The following FRAS1 variants were observed in gnomAD, a reference collection of about 807,000 sequenced individuals.
FRAS1 encodes extracellular matrix organizing protein FRAS1.
In FRAS1, 290 loss-of-function variants were observed where a neutral mutation model predicts 435.2. The ratio of observed to expected loss-of-function variants is 0.67; its 90% CI spans 0.61 to 0.73. FRAS1 has a LOEUF of 0.73. Among genes scored for constraint, FRAS1 ranks in the 30% least tolerant of loss-of-function variants. The pLI, the probability that FRAS1 is intolerant of heterozygous loss-of-function variation, is 0.00. For synonymous variants in FRAS1, 1,800 were observed against 1,851.0 expected (o/e 0.97, Z 0.71); for missense variants, 4,860 against 5,001.5 (o/e 0.97, Z 0.85).
intron 9 of FRAS1, among the ~76,000 whole-genome samples, chr4:78,272,903 C>A (rs973280415): frequency 3.3e-5 from 5 of 152,138 alleles, no homozygotes; most frequent in Admixed American, 2.6e-4. Flanking sequence ...TTACCTTGGG[C>A]AGTATGGCCA....
chr4:78,285,368 A>G (rs1727536237), intron 13 of FRAS1, among the ~76,000 whole-genome samples: 1 of 151,818 alleles, frequency 6.6e-6, no homozygotes, highest in African/African-American at 2.4e-5. Context: ...TCAAAAAAAA[A>G]AGAAAAAAAA....
intron 2 of FRAS1, among the ~76,000 whole-genome samples, chr4:78,154,312 A>G (rs1324081799): frequency 6.6e-6 from 1 of 152,092 alleles, no homozygotes; most frequent in African/African-American, 2.4e-5. Context: ...CACACTTTGG[A>G]GGTAATTGTA....
chr4:78,513,424 A>G lies in FRAS1; in HGVS notation c.10046A>G (p.Asp3349Gly). Residue 3349 changes from aspartate (D) to glycine (G), a missense_variant, in exon 65 of 74, where the codon GAT (aspartate) becomes GGT (glycine). Transcript: ENST00000512123. ...IHISVQIPHQ[D>G]GMLPLISTMP... ...ATTTCGGTGCAGATCCCACACCAGG[A>G]TGGAATGCTGCCCCTTATCTCCACC... The G allele has an allele frequency of 2.5e-6, 4 of 1,613,944 alleles. No individual in the cohort carries two copies. Among genetic ancestry groups the G allele is most frequent in the Non-Finnish European group, 3.4e-6 (4 of 1,179,848 alleles).
intron 2 of FRAS1, among the ~76,000 whole-genome samples, chr4:78,230,364 C>G (rs1354394719): frequency 2.6e-5 from 4 of 152,206 alleles, no homozygotes; most frequent in Non-Finnish European, 4.4e-5. Flanking sequence ...AATACAAAGT[C>G]TCACATCTTT....
chr4:78,254,516 A>G (rs953886219), intron 5 of FRAS1, among the ~76,000 whole-genome samples: 1 of 152,100 alleles, frequency 6.6e-6, no homozygotes, highest in African/African-American at 2.4e-5. Flanking sequence ...TAAAAAACCA[A>G]CCCTACAAGT....
intron 2 of FRAS1, among the ~76,000 whole-genome samples, chr4:78,190,378 G>T (rs1036389060): frequency 6.6e-6 from 1 of 151,596 alleles, no homozygotes; most frequent in Non-Finnish European, 1.5e-5. Flanking sequence ...CCTCAGAGAG[G>T]CCTTCCCTGT....
At chr4:78,273,733 T>C (rs1330033067) in intron 9 of FRAS1, among the ~76,000 whole-genome samples, 1 of 152,214 alleles carries the variant, frequency 6.6e-6, no homozygotes, top group Non-Finnish European at 1.5e-5. Context: ...TTATTGAGGA[T>C]TTTTTCATTG....
intron 1 of FRAS1, among the ~76,000 whole-genome samples, chr4:78,062,567 C>T (rs1462850418): frequency 6.6e-6 from 1 of 152,084 alleles, no homozygotes; most frequent in African/African-American, 2.4e-5. Context: ...TTGGATTTAA[C>T]TTCTCTAATT....
At chr4:78,466,890 G>A (rs1347156683) in intron 50 of FRAS1, among the ~76,000 whole-genome samples, 1 of 152,096 alleles carries the variant, frequency 6.6e-6, no homozygotes, top group African/African-American at 2.4e-5. Flanking sequence ...GTGGATAAGA[G>A]TGTGGTTTTT....
intron 30 of FRAS1, among the ~76,000 whole-genome samples, chr4:78,405,684 G>A (rs1480650425): frequency 6.6e-6 from 1 of 152,086 alleles, no homozygotes; most frequent in East Asian, 1.9e-4. Context: ...ATTAAGATTC[G>A]AGTATTCTCC....
intron 2 of FRAS1, among the ~76,000 whole-genome samples, chr4:78,113,971 G>T (rs1038305671): frequency 1.9e-4 from 29 of 151,988 alleles, no homozygotes; most frequent in Admixed American, 9.2e-4. Context: ...GGTCTAACAT[G>T]TAAGTCTTTA....
At chr4:78,342,992 T>C (rs2110273418) in intron 20 of FRAS1, among the ~76,000 whole-genome samples, 1 of 152,140 alleles carries the variant, frequency 6.6e-6, no homozygotes, top group Non-Finnish European at 1.5e-5. Context: ...TAAAGAAATA[T>C]ACTTTGAGTA....
intron 51 of FRAS1, among the ~76,000 whole-genome samples, chr4:78,471,131 T>A (rs1350367911): frequency 6.6e-6 from 1 of 152,154 alleles, no homozygotes; most frequent in Non-Finnish European, 1.5e-5. Context: ...TTTCTCTTTC[T>A]CCTAATTTCG....
At chr4:78,159,463 G>A (rs1395237716) in intron 2 of FRAS1, among the ~76,000 whole-genome samples, 2 of 152,192 alleles carry the variant, frequency 1.3e-5, no homozygotes, top group Admixed American at 6.5e-5. Context: ...TGGAACAATT[G>A]TAGGGGATGC....
rs191789598 is a variant in FRAS1 at position 78,528,727 on chromosome 4, C to T, written c.10925+2070C>T. Among the ~76,000 whole-genome samples, 113 of 152,202 alleles carry T rather than the reference C, an allele frequency of 7.4e-4. 1 individual carries two copies. Among genetic ancestry groups the T allele is most frequent in the Admixed American group, 2.9e-3 (45 of 15,288 alleles). ...TAAAGCTTCTATGAACCTACATGTA[C>T]GAGCTTTATATAAACATGTGTTTTC... On this transcript the variant is annotated intron_variant, in intron 70 of 73. Transcript: ENST00000512123.
rs1472459021 is a variant in FRAS1, at chr4:78,421,890, A to G, written c.4568A>G (p.His1523Arg). ...QGIIEHRDHPHSPIRYFTQED... is the reference protein window; with the variant it reads ...QGIIEHRDHPRSPIRYFTQED... ...ATCATCGAGCACCGGGACCACCCTC[A>G]CTCTCCTATCCGGTATTTCACGCAA... is the stretch of plus-strand genomic sequence containing the variant. The change falls in exon 34 of 74, where the codon CAC (histidine) becomes CGC (arginine). Residue 1523 changes from histidine to arginine, a missense_variant. Physicochemically the swap from His to Arg is conservative, Grantham distance 29. Coordinates refer to ENST00000512123, the MANE Select transcript of FRAS1 (RefSeq NM_025074.7). 1.2e-6 allele frequency: 2 copies of G among 1,612,900 alleles called. No homozygotes were observed. The highest frequency in any genetic ancestry group is 1.7e-6 in the Non-Finnish European group (2 of 1,179,556).
intron 2 of FRAS1, among the ~76,000 whole-genome samples, chr4:78,236,671 G>A (rs1239884327): frequency 6.6e-6 from 1 of 152,142 alleles, no homozygotes; most frequent in African/African-American, 2.4e-5. Context: ...GAGATAGTTG[G>A]TTTCAAAGTT....
intron 41 of FRAS1, among the ~76,000 whole-genome samples, chr4:78,442,173 TG>T (rs1734685996): frequency 1.3e-5 from 2 of 152,278 alleles, no homozygotes; most frequent in South Asian, 4.1e-4. Context: ...ACAGAAGTTT[TG>T]GATCCTTTTC....
At chr4:78,470,297 G>A (rs1218176136) in intron 51 of FRAS1, among the ~76,000 whole-genome samples, 1 of 152,180 alleles carries the variant, frequency 6.6e-6, no homozygotes, top group Non-Finnish European at 1.5e-5. Context: ...AGTTTAAGAT[G>A]CTCTTTGAAA....
Sources: gnomAD v4.1 joint callset for allele counts (sites outside exome capture counted in the v4.1 genomes callset) on GRCh38, gnomAD v4.1.1 for gene constraint, MANE v1.5 for transcripts, NCBI Gene and HGNC (gene_info 2026-07-23, HGNC 2026-07-21) for gene names.